MCU: variants seen among roughly 807,000 people sequenced by gnomAD.
MCU encodes mitochondrial calcium uniporter, also known as calcium uniporter protein, mitochondrial.
Under a neutral mutation model 45.2 loss-of-function variants are expected in MCU, and 12 were observed. The ratio of observed to expected loss-of-function variants is 0.27; its 90% confidence interval spans 0.17 to 0.43. The LOEUF (loss-of-function observed/expected upper bound fraction) is 0.43. MCU is among the 20% of genes least tolerant of loss of function. The pLI, the probability that MCU is intolerant of heterozygous loss-of-function variation, is 1.00. For synonymous variants in MCU, 160 were observed against 165.1 expected (o/e 0.97, Z 0.24); for missense variants, 324 against 436.7 (o/e 0.74, Z 2.30).
At chr10:72,766,457 T>TTCATTACACATA (rs1843728281) in intron 1 of MCU, 2 of 152,190 alleles carry the variant, frequency 1.3e-5, no homozygotes, top group African/African-American at 4.8e-5. Flanking sequence ...AGACAACCTA[T>TTCATTACACATA]GTTTATTCAT....
intron 1 of MCU, among the ~76,000 whole-genome samples, chr10:72,740,637 A>G (rs953041603): frequency 2.6e-5 from 4 of 151,924 alleles, no homozygotes; most frequent in African/African-American, 7.3e-5. Context: ...TATATTTTGC[A>G]TGTTTGTTTT....
chr10:72,868,845 G>T lies in MCU; in HGVS notation c.639G>T (p.Gln213His). The T allele has an allele frequency of 6.2e-7, 1 of 1,613,376 alleles. No individual in the cohort carries two copies. Among genetic ancestry groups the T allele is most frequent in the Non-Finnish European group, 8.5e-7 (1 of 1,179,842 alleles). Residue 213 changes from glutamine (Q) to histidine (H), a missense_variant, in exon 5 of 8, where the codon CAG becomes CAT. Gln to His is a conservative substitution (Grantham distance 24, BLOSUM62 0). Transcript: ENST00000373053. ...LIERLEDLKE[Q>H]LAPLEKVRIE... is the part of the protein sequence containing the mutation. The stretch of plus-strand genomic sequence containing the variant: ...AAAGACTAGAGGATCTCAAAGAGCA[G>T]CTGGCTCCCCTGGAAAAGGTAAAAC...
At chr10:72,706,226 T>G (rs966815908) in intron 1 of MCU, among the ~76,000 whole-genome samples, 1 of 152,036 alleles carries the variant, frequency 6.6e-6, no homozygotes, top group Non-Finnish European at 1.5e-5. Context: ...CTTATCTTTT[T>G]TTTTTTTTTA....
intron 1 of MCU, among the ~76,000 whole-genome samples, chr10:72,709,396 A>G (rs565882641): frequency 6.6e-6 from 1 of 152,390 alleles, no homozygotes; most frequent in East Asian, 1.9e-4. Flanking sequence ...AACAAATAGT[A>G]AAAATCTAAT....
rs1174525161 is a variant in MCU at position 72,885,761 on chromosome 10, A to G, written c.995A>G (p.Lys332Arg). The G allele has an allele frequency of 6.2e-7, 1 of 1,613,446 alleles. No individual in the cohort carries two copies. Among genetic ancestry groups the G allele is most frequent in the South Asian group, 1.1e-5 (1 of 91,020 alleles). ...CTATTTTAGGCAGAAATGGACCTTA[A>G]GAGACTGAGAGACCCATTACAAGTA... ...DAIAQAEMDL[K>R]RLRDPLQVHL... is the part of the protein sequence containing the mutation. Residue 332 changes from lysine to arginine, a missense_variant, in exon 8 of 8, where the codon AAG becomes AGG. Physicochemically the swap from Lys to Arg is conservative, Grantham distance 26. This residue lies in a region of MCU where 76 missense variants were observed against 99.4 expected (regional missense o/e 0.76). Coordinates refer to ENST00000373053, the MANE Select transcript of MCU (RefSeq NM_138357.3).
intron 1 of MCU, among the ~76,000 whole-genome samples, chr10:72,829,986 G>A (rs1844856044): frequency 6.6e-6 from 1 of 152,196 alleles, no homozygotes; most frequent in Admixed American, 6.5e-5. Context: ...TAGGCGGGAA[G>A]GACTTTGAGA....
intron 1 of MCU, among the ~76,000 whole-genome samples, chr10:72,768,396 G>C (rs1335889711): frequency 6.6e-6 from 1 of 152,162 alleles, no homozygotes. Flanking sequence ...TATAATCTCA[G>C]TCAATTTAGG....
intron 1 of MCU, among the ~76,000 whole-genome samples, chr10:72,804,582 C>T (rs1844401486): frequency 1.3e-5 from 2 of 152,166 alleles, no homozygotes; most frequent in African/African-American, 4.8e-5. Flanking sequence ...AAACCTAATT[C>T]AGCCTTTTTC....
intron 1 of MCU, among the ~76,000 whole-genome samples, chr10:72,790,565 G>T: frequency 6.6e-6 from 1 of 152,070 alleles, no homozygotes; most frequent in East Asian, 1.9e-4. Flanking sequence ...ATTATCTTGT[G>T]GATGATTGGA....
intron 6 of MCU, among the ~76,000 whole-genome samples, chr10:72,874,602 G>A (rs1845592540): frequency 6.6e-6 from 1 of 152,162 alleles, no homozygotes; most frequent in African/African-American, 2.4e-5. Context: ...GTGTCTAATA[G>A]AGAAGAAAGT....
chr10:72,844,318 C>T (rs1845088693), intron 2 of MCU, among the ~76,000 whole-genome samples: 1 of 152,070 alleles, frequency 6.6e-6, no homozygotes, highest in South Asian at 2.1e-4. Flanking sequence ...ACCCGGGAGG[C>T]AGAGGTTGCA....
At position 72,785,140 on chromosome 10, in the gene MCU, T is replaced by C. The variant is rs185390132; in HGVS notation, c.151-49219T>C. ...CGAGAATCTCCCACATTTCCACATATATTACACAGTCGGCGAAGCAAGTGG... is the reference window on the plus strand; with the variant it reads ...CGAGAATCTCCCACATTTCCACATACATTACACAGTCGGCGAAGCAAGTGG... On this transcript the variant is annotated intron_variant, in intron 1 of 7. Transcript: ENST00000373053. Among the ~76,000 whole-genome samples the C allele has an allele frequency of 2.6e-5, 4 of 152,288 alleles. No individual in the cohort carries two copies. In the East Asian group the frequency reaches 5.8e-4, roughly 22 times the overall value.
At chr10:72,883,458 T>C (rs1845735622) in intron 6 of MCU, among the ~76,000 whole-genome samples, 1 of 152,154 alleles carries the variant, frequency 6.6e-6, no homozygotes. Flanking sequence ...ACTGGCAATA[T>C]CAAGTATTGG....
At chr10:72,843,410 G>A (rs899139254) in intron 2 of MCU, among the ~76,000 whole-genome samples, 5 of 152,132 alleles carry the variant, frequency 3.3e-5, no homozygotes, top group Non-Finnish European at 7.3e-5. Flanking sequence ...CATACAGCAT[G>A]TAGCCTTTTC....
At chr10:72,839,814 A>T (rs1414565293) in intron 2 of MCU, among the ~76,000 whole-genome samples, 1 of 150,782 alleles carries the variant, frequency 6.6e-6, no homozygotes, top group African/African-American at 2.4e-5. Flanking sequence ...AAAAAAAAAA[A>T]TTAGCCGGGT....
At chr10:72,805,154 T>TCTTTCTTTCTTC (rs1844422274) in intron 1 of MCU, among the ~76,000 whole-genome samples, 5 of 131,886 alleles carry the variant, frequency 3.8e-5, no homozygotes, top group African/African-American at 6.0e-5. Flanking sequence ...TTTCTTTCTT[T>TCTTTCTTTCTTC]CTTTCTGTCT....
intron 1 of MCU, among the ~76,000 whole-genome samples, chr10:72,749,234 G>A (rs912873323): frequency 6.6e-6 from 1 of 152,078 alleles, no homozygotes; most frequent in Non-Finnish European, 1.5e-5. Context: ...ACAGTGAGCC[G>A]TAATCATGCC....
At chr10:72,877,231 A>G (rs534093096) in intron 6 of MCU, among the ~76,000 whole-genome samples, 8 of 152,286 alleles carry the variant, frequency 5.3e-5, no homozygotes, top group African/African-American at 1.9e-4. Context: ...AAATCACAGA[A>G]ATTTTAGAAT....
chr10:72,836,997 T>C (rs543874521), intron 2 of MCU, among the ~76,000 whole-genome samples: 1 of 152,320 alleles, frequency 6.6e-6, no homozygotes, highest in East Asian at 1.9e-4. Flanking sequence ...TTTTTAGAAG[T>C]ATAAGGTCTA....
Sources: gnomAD v4.1 joint callset for allele counts (sites outside exome capture counted in the v4.1 genomes callset) on GRCh38, gnomAD v4.1.1 for gene constraint, gnomAD v4.1.1 regional missense constraint, MANE v1.5 for transcripts, NCBI Gene and HGNC (gene_info 2026-07-23, HGNC 2026-07-21) for gene names.